CNTN1: variants seen among roughly 807,000 people sequenced by gnomAD.
CNTN1 encodes contactin 1.
Under a neutral mutation model 126.4 loss-of-function variants are expected in CNTN1, and 38 were observed. That is an observed-to-expected ratio of 0.30 (90% CI 0.23 to 0.39). The LOEUF is 0.39. Ranked by LOEUF, CNTN1 falls within the 10% of genes least tolerant of loss-of-function variation. CNTN1 has a pLI of 1.00. For missense variants in CNTN1, 1,009 were observed against 1,248.4 expected, an observed-to-expected ratio of 0.81 and a Z score of 2.89; for synonymous variants, 413 against 422.6, an observed-to-expected ratio of 0.98 and a Z score of 0.28.
intron 16 of CNTN1, among the ~76,000 whole-genome samples, chr12:40,987,733 A>G (rs1032233660): frequency 6.6e-6 from 1 of 152,184 alleles, no homozygotes; most frequent in Non-Finnish European, 1.5e-5. Context: ...TATTTCCCTA[A>G]AATAGATATT....
chr12:40,996,592 T>G (rs1305972567), intron 17 of CNTN1, among the ~76,000 whole-genome samples: 2 of 152,244 alleles, frequency 1.3e-5, no homozygotes, highest in Non-Finnish European at 2.9e-5. Context: ...AAATTTAATA[T>G]GCTTACAAGA....
intron 14 of CNTN1, among the ~76,000 whole-genome samples, chr12:40,950,265 A>G (rs990373623): frequency 1.8e-4 from 27 of 152,170 alleles, no homozygotes; most frequent in African/African-American, 6.5e-4. Flanking sequence ...GAAAGATATT[A>G]AAAAAGAGAC....
chr12:40,858,087 T>C (rs312264), intron 1 of CNTN1, among the ~76,000 whole-genome samples: 90,191 of 152,030 alleles, frequency 0.59, 28,073 homozygotes, highest in African/African-American at 0.81. Context: ...GTGTTCTCTT[T>C]CAGTTGTTAG....
intron 1 of CNTN1, among the ~76,000 whole-genome samples, chr12:40,734,078 A>C (rs770572977): frequency 3.3e-5 from 5 of 152,074 alleles, no homozygotes; most frequent in Non-Finnish European, 7.4e-5. Context: ...TCATGAATCA[A>C]AGTCAGTGTG....
At chr12:40,697,205 A>T (rs1391578847) in intron 1 of CNTN1, among the ~76,000 whole-genome samples, 1 of 152,184 alleles carries the variant, frequency 6.6e-6, no homozygotes, top group East Asian at 1.9e-4. Context: ...TTCCCCCAAA[A>T]TGTAAGCACA....
intron 23 of CNTN1, among the ~76,000 whole-genome samples, chr12:41,050,600 C>T (rs1220140357): frequency 6.6e-6 from 1 of 152,174 alleles, no homozygotes; most frequent in East Asian, 1.9e-4. Flanking sequence ...CAATCTGAGA[C>T]TTGGGTGGGG....
intron 1 of CNTN1, among the ~76,000 whole-genome samples, chr12:40,797,752 G>C (rs1940493122): frequency 6.6e-6 from 1 of 151,948 alleles, no homozygotes; most frequent in Non-Finnish European, 1.5e-5. Context: ...ATGGCGATGA[G>C]GAGAGAAAGA....
rs183776250 is a variant in CNTN1 at position 40,947,659 on chromosome 12, G to C, written c.1683+3489G>C. Reference sequence around the variant, plus strand: ...CCTCAATTTTTGACATTCACTTTGGGTCATTTTCTTTCAACTGTTTAACAA... The same window carrying C: ...CCTCAATTTTTGACATTCACTTTGGCTCATTTTCTTTCAACTGTTTAACAA... On this transcript the variant is annotated intron_variant, in intron 14 of 23. Transcript: ENST00000551295. 1.5e-3 allele frequency among the ~76,000 whole-genome samples: 222 copies of C among 151,062 alleles called. 2 individuals are homozygous for C. The highest frequency in any genetic ancestry group is 5.1e-3 in the African/African-American group (211 of 41,176).
At chr12:40,865,104 G>T (rs1943253316) in intron 1 of CNTN1, among the ~76,000 whole-genome samples, 1 of 152,032 alleles carries the variant, frequency 6.6e-6, no homozygotes, top group Admixed American at 6.6e-5. Context: ...CAATGATTTG[G>T]ATGTCTTTTC....
chr12:41,043,609 G>C (rs918730811), intron 23 of CNTN1, among the ~76,000 whole-genome samples: 2 of 152,062 alleles, frequency 1.3e-5, no homozygotes, highest in African/African-American at 4.8e-5. Context: ...CAGGGGTCTA[G>C]AACTAGAAAT....
chr12:40,953,724 T>C (rs1473060557), intron 14 of CNTN1, among the ~76,000 whole-genome samples: 1 of 152,070 alleles, frequency 6.6e-6, no homozygotes, highest in Non-Finnish European at 1.5e-5. Context: ...AATATAAATT[T>C]AATATAATGT....
intron 20 of CNTN1, among the ~76,000 whole-genome samples, chr12:41,021,297 C>T (rs1948903064): frequency 6.6e-6 from 1 of 151,980 alleles, no homozygotes; most frequent in Non-Finnish European, 1.5e-5. Context: ...TCACAGACTT[C>T]CCTGTTTTTT....
intron 6 of CNTN1, among the ~76,000 whole-genome samples, chr12:40,925,704 A>G (rs772389845): frequency 6.5e-4 from 95 of 145,830 alleles, no homozygotes; most frequent in African/African-American, 2.3e-3. Flanking sequence ...TAGGAGAAAG[A>G]TGATTGCTTG....
chr12:40,745,167 A>C (rs778417842), intron 1 of CNTN1, among the ~76,000 whole-genome samples: 1 of 152,194 alleles, frequency 6.6e-6, no homozygotes, highest in Non-Finnish European at 1.5e-5. Context: ...AAATATCTTC[A>C]GAACTAAAAT....
chr12:40,860,525 A>G (rs1943079160), intron 1 of CNTN1, among the ~76,000 whole-genome samples: 1 of 152,002 alleles, frequency 6.6e-6, no homozygotes, highest in Non-Finnish European at 1.5e-5. Flanking sequence ...ACGGGCTACA[A>G]ATTGCAGGCT....
At chr12:41,043,380 G>T (rs1949464217) in intron 23 of CNTN1, among the ~76,000 whole-genome samples, 3 of 152,056 alleles carry the variant, frequency 2.0e-5, no homozygotes, top group Admixed American at 1.3e-4. Context: ...CATTTATGCA[G>T]CCAAAAAACA....
intron 1 of CNTN1, among the ~76,000 whole-genome samples, chr12:40,806,895 TA>T (rs1940881645): frequency 6.6e-6 from 1 of 152,150 alleles, no homozygotes; most frequent in Non-Finnish European, 1.5e-5. Context: ...TGACAAACAA[TA>T]AAATCATTAT....
intron 20 of CNTN1, among the ~76,000 whole-genome samples, chr12:41,022,733 CTA>C (rs912508338): frequency 2.6e-5 from 4 of 152,128 alleles, no homozygotes; most frequent in Non-Finnish European, 5.9e-5. Context: ...AGGATAGACA[CTA>C]TTATTATCCC....
At chr12:40,971,481 C>T (rs780577782) in intron 15 of CNTN1, 2 of 1,597,000 alleles carry the variant, frequency 1.3e-6, no homozygotes, top group African/African-American at 1.3e-5. Flanking sequence ...TTCCTTTCTC[C>T]CCGTCTGTGC....
Sources: allele counts gnomAD v4.1 joint callset (sites outside exome capture counted in the v4.1 genomes callset), GRCh38; gene constraint gnomAD v4.1.1; transcripts MANE v1.5; gene names NCBI Gene and HGNC (gene_info 2026-07-23, HGNC 2026-07-21).